CSF2RA: variants seen among roughly 807,000 people sequenced by gnomAD.
CSF2RA encodes granulocyte-macrophage colony-stimulating factor receptor subunit alpha.
In CSF2RA, 42 loss-of-function variants were observed where a neutral mutation model predicts 51.6. That is an observed-to-expected ratio of 0.81 (90% CI 0.64 to 1.05). The LOEUF is 1.05. CSF2RA is among the 50% of genes least tolerant of loss of function. The pLI is 0.00. For synonymous variants in CSF2RA, 222 were observed against 193.0 expected (o/e 1.15, Z -1.24); for missense variants, 530 against 501.1 (o/e 1.06, Z -0.55).
chrX:1,291,083 G>A (rs1160571561), intron 7 of CSF2RA, among the ~76,000 whole-genome samples: 31 of 151,828 alleles, frequency 2.0e-4, no homozygotes, highest in East Asian at 2.0e-4. Flanking sequence ...CACCACGCTC[G>A]GCTAATTTTT....
intron 1 of CSF2RA, among the ~76,000 whole-genome samples, chrX:1,274,309 A>C (rs1208066294): frequency 6.6e-6 from 1 of 151,666 alleles, no homozygotes; most frequent in East Asian, 2.0e-4. Context: ...ATTTGCTTTC[A>C]TACATTTTTT....
rs375213941 is a variant in CSF2RA, at chrX:1,282,522, C to A, written c.-26-156C>A. 52 of 703,764 alleles carry A rather than the reference C, an allele frequency of 7.4e-5. 1 individual carries two copies. The highest frequency in any genetic ancestry group is 5.7e-4 in the African/African-American group (33 of 57,512). 43.6% of individuals were successfully genotyped at this position (703,764 alleles called of 1,614,324 possible). Reference sequence around the variant, plus strand: ...TGTGGGAGACAGAATAATGGCCCTGCAGACCTTCCCAGCTGGCCATGACCC... The same window carrying A: ...TGTGGGAGACAGAATAATGGCCCTGAAGACCTTCCCAGCTGGCCATGACCC... On this transcript the variant is annotated intron_variant, in intron 2 of 12. Coordinates refer to ENST00000381529, the MANE Select transcript of CSF2RA (RefSeq NM_172245.4).
chrX:1,288,764 G>A lies in CSF2RA; in HGVS notation c.349G>A (p.Glu117Lys). The A allele has an allele frequency of 2.5e-6, 4 of 1,613,938 alleles. No individual in the cohort carries two copies. Among genetic ancestry groups the A allele is most frequent in the Non-Finnish European group, 3.4e-6 (4 of 1,179,870 alleles). ...QKLLYPNSGR[E>K]GTAAQNFSCF... is the part of the protein sequence containing the mutation. ...TTGTTTCTACCTCTTCCCAGGAAGG[G>A]AGGGTACCGCTGCTCAGAATTTCTC... Residue 117 changes from glutamate (E) to lysine (K), a missense_variant, in exon 6 of 13, where the codon GAG becomes AAG. By Grantham distance (56) the Glu-to-Lys change is moderately conservative. Coordinates refer to ENST00000381529, the MANE Select transcript of CSF2RA (RefSeq NM_172245.4).
the CSF2RA span, among the ~76,000 whole-genome samples, chrX:1,319,959 G>C: frequency 2.0e-5 from 3 of 148,682 alleles, no homozygotes; most frequent in Non-Finnish European, 4.5e-5. Context: ...GCAGTGGCAC[G>C]ATCTCGGCTC....
intron 4 of CSF2RA, among the ~76,000 whole-genome samples, chrX:1,287,529 T>C (rs1317860775): frequency 2.0e-4 from 29 of 145,756 alleles, no homozygotes; most frequent in Admixed American, 5.5e-4. Flanking sequence ...CTGCAACCTG[T>C]GCCTCCTGGG....
downstream of CSF2RA, among the ~76,000 whole-genome samples, chrX:1,312,521 C>T (rs1458450293): frequency 5.3e-5 from 8 of 151,936 alleles, no homozygotes; most frequent in African/African-American, 1.5e-4. Context: ...GGGATTAGGA[C>T]GTGGACATCT....
intron 7 of CSF2RA, among the ~76,000 whole-genome samples, chrX:1,292,430 G>C (rs2091495328): frequency 6.6e-6 from 1 of 152,164 alleles, no homozygotes; most frequent in African/African-American, 2.4e-5. Flanking sequence ...CGGAGGACCT[G>C]CACCGGTCTC....
chrX:1,275,545 T>C (rs749892287), intron 2 of CSF2RA, among the ~76,000 whole-genome samples: 38 of 151,522 alleles, frequency 2.5e-4, no homozygotes, highest in Admixed American at 1.3e-4. Context: ...TTACTTATTT[T>C]ACTTTATTTT....
chrX:1,321,912 C>A, the CSF2RA span, among the ~76,000 whole-genome samples: 1 of 151,798 alleles, frequency 6.6e-6, no homozygotes, highest in Non-Finnish European at 1.5e-5. Context: ...GTGGGTGGAT[C>A]GCATCATGAG....
chrX:1,278,713 G>C (rs1347186431), intron 2 of CSF2RA, among the ~76,000 whole-genome samples: 2 of 146,822 alleles, frequency 1.4e-5, no homozygotes, highest in African/African-American at 2.5e-5. Context: ...GGGCAAGCAA[G>C]TTTATTATGA....
intron 10 of CSF2RA, among the ~76,000 whole-genome samples, chrX:1,300,897 T>C (rs752241272): frequency 2.6e-5 from 4 of 152,270 alleles, no homozygotes; most frequent in African/African-American, 9.6e-5. Context: ...TTCACGCCTG[T>C]AATCCCAGCA....
chrX:1,275,321 G>A (rs1170537308), intron 2 of CSF2RA, among the ~76,000 whole-genome samples: 3 of 151,780 alleles, frequency 2.0e-5, no homozygotes, highest in Non-Finnish European at 4.4e-5. Context: ...AACCCAGGAG[G>A]CGTAGGTTGC....
intron 2 of CSF2RA, among the ~76,000 whole-genome samples, chrX:1,278,898 C>T (rs1214023304): frequency 3.4e-5 from 5 of 148,200 alleles, no homozygotes; most frequent in Non-Finnish European, 7.4e-5. Flanking sequence ...ATTAGCCAGG[C>T]GTGTTGGTGC....
At chrX:1,272,760 G>A (rs1354665149) in intron 1 of CSF2RA, among the ~76,000 whole-genome samples, 2 of 150,734 alleles carry the variant, frequency 1.3e-5, no homozygotes, top group Non-Finnish European at 3.0e-5. Context: ...CAAAGTGCTG[G>A]GATTATACGC....
At chrX:1,323,757 G>C in the CSF2RA span, among the ~76,000 whole-genome samples, 1 of 151,986 alleles carries the variant, frequency 6.6e-6, no homozygotes, top group African/African-American at 2.4e-5. Flanking sequence ...GCTCACGCCT[G>C]TAATCCCAGC....
chrX:1,303,390 C>T (rs749882768), intron 10 of CSF2RA: 187 of 436,496 alleles, frequency 4.3e-4, no homozygotes, highest in Non-Finnish European at 7.1e-4. Flanking sequence ...CACCCACCAC[C>T]ATGCCTGGCT....
chrX:1,288,697 G>C, intron 5 of CSF2RA, 55 bp downstream of exon 5: 1 of 1,613,894 alleles, frequency 6.2e-7, no homozygotes, highest in Non-Finnish European at 8.5e-7. Context: ...CACCCCGCCA[G>C]CATCAAAGTA....
chrX:1,280,305 C>G (rs2089725787), intron 2 of CSF2RA, among the ~76,000 whole-genome samples: 1 of 151,848 alleles, frequency 6.6e-6, no homozygotes, highest in Non-Finnish European at 1.5e-5. Flanking sequence ...AACAGCGTCT[C>G]TACTAAAAAT....
chrX:1,286,274 T>G (rs1472341764), intron 4 of CSF2RA, among the ~76,000 whole-genome samples: 1 of 138,766 alleles, frequency 7.2e-6, no homozygotes, highest in Admixed American at 7.4e-5. Flanking sequence ...CTCTGTCTCA[T>G]AAAATGCAAT....
Sources: gnomAD v4.1 joint callset for allele counts (sites outside exome capture counted in the v4.1 genomes callset) on GRCh38, gnomAD v4.1.1 for gene constraint, MANE v1.5 for transcripts, NCBI Gene and HGNC (gene_info 2026-07-23, HGNC 2026-07-21) for gene names.